The following EPB41L4B variants were observed in gnomAD, a reference collection of about 807,000 sequenced individuals.
EPB41L4B encodes the protein band 4.1-like protein 4B.
A neutral mutation model predicts 112.5 loss-of-function variants in EPB41L4B; 30 were observed. The observed-to-expected ratio is 0.27, with a 90% CI of 0.20 to 0.36. The LOEUF (loss-of-function observed/expected upper bound fraction) is 0.36, where lower values mean the gene tolerates loss of function less well. Among genes scored for constraint, EPB41L4B ranks in the 10% least tolerant of loss-of-function variants. EPB41L4B has a pLI of 1.00. For synonymous variants in EPB41L4B, 408 were observed against 439.7 expected (o/e 0.93, Z 0.90); for missense variants, 1,024 against 1,133.3 (o/e 0.90, Z 1.38).
chr9:109,308,256 G>T (rs1290897533), intron 1 of EPB41L4B, among the ~76,000 whole-genome samples: 2 of 152,080 alleles, frequency 1.3e-5, no homozygotes, highest in African/African-American at 4.8e-5. Flanking sequence ...ACATTCAACA[G>T]CTGATCTCCA....
intron 20 of EPB41L4B, 106 bp downstream of exon 20, chr9:109,200,130 T>G: frequency 1.2e-6 from 1 of 820,510 alleles, no homozygotes; most frequent in Non-Finnish European, 2.0e-6. Flanking sequence ...AAATGGAATT[T>G]GGGGGCTGCT....
At chr9:109,256,077 A>G (rs1277571620) in intron 9 of EPB41L4B, 59 bp downstream of exon 9, 2 of 1,464,638 alleles carry the variant, frequency 1.4e-6, no homozygotes, top group African/African-American at 1.4e-5. Context: ...CATCCATCAC[A>G]TAGAATTCCA....
intron 15 of EPB41L4B, among the ~76,000 whole-genome samples, chr9:109,220,732 T>C (rs1833543737): frequency 6.6e-6 from 1 of 152,144 alleles, no homozygotes; most frequent in African/African-American, 2.4e-5. Flanking sequence ...CAAGGACGGT[T>C]CTGTGTGTGT....
chr9:109,250,070 G>A (rs1031500352), intron 13 of EPB41L4B, among the ~76,000 whole-genome samples: 35 of 152,220 alleles, frequency 2.3e-4, no homozygotes, highest in African/African-American at 7.7e-4. Flanking sequence ...CTCCCCACTC[G>A]GCTTCATCCG....
At chr9:109,268,192 TA>T (rs2119084276) in intron 3 of EPB41L4B, among the ~76,000 whole-genome samples, 198 bp downstream of exon 3, 1 of 152,340 alleles carries the variant, frequency 6.6e-6, no homozygotes, top group Admixed American at 6.5e-5. Context: ...GGTTTTTCAA[TA>T]TCCACTAAAC....
intron 1 of EPB41L4B, among the ~76,000 whole-genome samples, chr9:109,302,939 G>T (rs2119227033): frequency 6.6e-6 from 1 of 152,076 alleles, no homozygotes; most frequent in Non-Finnish European, 1.5e-5. Context: ...AAAGAAGCTG[G>T]GTGCAGTAGC....
intron 14 of EPB41L4B, among the ~76,000 whole-genome samples, chr9:109,244,906 G>C (rs950119256): frequency 6.6e-6 from 1 of 152,202 alleles, no homozygotes; most frequent in Non-Finnish European, 1.5e-5. Flanking sequence ...CTCTGGCACA[G>C]AGAATCTCAG....
chr9:109,252,874 CTCATACAGG>C (rs1342101534), intron 12 of EPB41L4B, among the ~76,000 whole-genome samples: 1 of 152,062 alleles, frequency 6.6e-6, no homozygotes, highest in African/African-American at 2.4e-5. Context: ...TGTTCCGGGC[CTCATACAGG>C]TATGAGGCCC....
In EPB41L4B at chr9:109,172,743, T is replaced by A. The variant is rs943258426; in HGVS notation, c.*1811A>T. ...TAGAAAGATTTCCCTCAAAAAAAAA[T>A]ATATTAAAATTTTAAAGATTCAGCA... On this transcript the variant is annotated 3_prime_UTR_variant, in exon 26 of 26. Transcript: ENST00000374566. The A allele has an allele frequency of 2.6e-5, 4 of 152,446 alleles. No homozygotes were observed. Among genetic ancestry groups the A allele is most frequent in the African/African-American group, 7.2e-5 (3 of 41,404 alleles). The allele number at this position is 152,446 out of a possible 1,614,324, so 9.4% of individuals were successfully genotyped here. A position where few individuals can be genotyped will look rare whatever the true frequency, so the allele number is the denominator to read the frequency against.
chr9:109,316,994 A>G (rs1274498289), intron 1 of EPB41L4B, among the ~76,000 whole-genome samples: 1 of 152,148 alleles, frequency 6.6e-6, no homozygotes, highest in Non-Finnish European at 1.5e-5. Flanking sequence ...AGTCCCAGCT[A>G]CTAGAGAGGC....
intron 15 of EPB41L4B, among the ~76,000 whole-genome samples, chr9:109,221,877 A>G (rs118085206): frequency 0.017 from 2,518 of 152,324 alleles, 39 homozygotes; most frequent in Middle Eastern, 0.085. Context: ...AATAGATATC[A>G]TCTGTCATGC....
intron 18 of EPB41L4B, among the ~76,000 whole-genome samples, chr9:109,207,169 A>G (rs537448197): frequency 1.1e-4 from 17 of 152,310 alleles, no homozygotes; most frequent in African/African-American, 3.8e-4. Flanking sequence ...TAATGTTGAC[A>G]GCATCTCTGT....
chr9:109,211,780 A>C (rs1282197226), intron 17 of EPB41L4B, among the ~76,000 whole-genome samples: 5 of 136,858 alleles, frequency 3.7e-5, no homozygotes, highest in African/African-American at 1.1e-4. Context: ...CAGTGGCAGG[A>C]TCTCAGCTCA....
intron 15 of EPB41L4B, chr9:109,239,865 T>C (rs928705430): frequency 1.0e-6 from 1 of 985,318 alleles, no homozygotes; most frequent in African/African-American, 1.7e-5. Context: ...TTTACAGGAC[T>C]ATTACTGAGG....
chr9:109,194,191 G>A (rs1380491621), intron 21 of EPB41L4B, 29 bp downstream of exon 21: 1 of 1,597,098 alleles, frequency 6.3e-7, no homozygotes, highest in African/African-American at 1.3e-5. Flanking sequence ...AAGTGTGGCT[G>A]CTCGCCAGGG....
At chr9:109,256,743 G>A (rs1019516476) in intron 7 of EPB41L4B, among the ~76,000 whole-genome samples, 7 of 152,224 alleles carry the variant, frequency 4.6e-5, no homozygotes, top group African/African-American at 1.7e-4. Flanking sequence ...AGGAGTTCGA[G>A]ACCAGCCTGA....
intron 11 of EPB41L4B, among the ~76,000 whole-genome samples, chr9:109,254,125 G>A (rs1834896165): frequency 6.6e-6 from 1 of 152,186 alleles, no homozygotes; most frequent in Non-Finnish European, 1.5e-5. Flanking sequence ...GTGCCTCTAA[G>A]GGCAACCTCT....
At chr9:109,186,906 C>A (rs527573975) in intron 22 of EPB41L4B, among the ~76,000 whole-genome samples, 2 of 152,320 alleles carry the variant, frequency 1.3e-5, no homozygotes, top group South Asian at 4.1e-4. Flanking sequence ...GACACTGGGA[C>A]ACCCTGCTAC....
intron 1 of EPB41L4B, among the ~76,000 whole-genome samples, chr9:109,284,134 C>G (rs1836179896): frequency 6.6e-6 from 1 of 152,078 alleles, no homozygotes; most frequent in South Asian, 2.1e-4. Context: ...TACTGAACAT[C>G]ACAGCTTAAC....
Sources: gnomAD v4.1 joint callset for allele counts (sites outside exome capture counted in the v4.1 genomes callset) on GRCh38, gnomAD v4.1.1 for gene constraint, MANE v1.5 for transcripts, NCBI Gene and HGNC (gene_info 2026-07-23, HGNC 2026-07-21) for gene names.